Variants in FHIT observed in about 807,000 individuals in gnomAD.
FHIT encodes the protein bis(5'-adenosyl)-triphosphatase.
FHIT carries 19 observed loss-of-function variants against 17.9 expected under a neutral mutation model. The ratio of observed to expected loss-of-function variants is 1.06; its 90% confidence interval spans 0.74 to 1.56. The LOEUF is 1.56. Ranked by LOEUF, FHIT falls within the 40% of genes most tolerant of loss-of-function variation. The pLI is 0.00. For missense variants in FHIT, 248 were observed against 189.2 expected, an observed-to-expected ratio of 1.31 and a Z score of -1.82; for synonymous variants, 81 against 69.7, an observed-to-expected ratio of 1.16 and a Z score of -0.81.
Position 60,721,805 on chromosome 3 carries a change from G to GTAT in FHIT, c.-18+100111_-18+100113dup, listed in dbSNP as rs578032919. ...CAAATGAAAGGCACTATAAAAAAGA[G>GTAT]TATTATTATTATTATTATTTCAAGC... is the stretch of plus-strand genomic sequence containing the variant. On this transcript the variant is annotated intron_variant, in intron 4 of 9. Coordinates refer to ENST00000492590, the MANE Select transcript of FHIT (RefSeq NM_002012.4). 2.9e-3 allele frequency among the ~76,000 whole-genome samples: 438 copies of GTAT among 151,982 alleles called. 1 individual carries two copies. Among genetic ancestry groups the GTAT allele is most frequent in the African/African-American group, 0.01 (423 of 41,476 alleles).
At chr3:61,039,719 C>T (rs755502070) in intron 3 of FHIT, among the ~76,000 whole-genome samples, 2 of 151,882 alleles carry the variant, frequency 1.3e-5, no homozygotes, top group South Asian at 2.1e-4. Flanking sequence ...TAGGAGTCTG[C>T]GGGGGTTAGC....
rs1476244848 is a variant in FHIT at position 60,032,184 on chromosome 3, G to C, written c.104-18032C>G. ...GGTATTAAATAACATGAATTTCCTT[G>C]GTACTTCTCTATACTTAACTGTCCT... On this transcript the variant is annotated intron_variant, in intron 5 of 9. Coordinates refer to ENST00000492590, the MANE Select transcript of FHIT (RefSeq NM_002012.4). Among the ~76,000 whole-genome samples the C allele has an allele frequency of 9.2e-5, 14 of 152,202 alleles. No individual in the cohort carries two copies. The East Asian group carries it at 2.7e-3, about 29-fold the overall frequency.
chr3:59,866,583 T>A (rs1368879477), intron 8 of FHIT, among the ~76,000 whole-genome samples: 1 of 152,156 alleles, frequency 6.6e-6, no homozygotes, highest in African/African-American at 2.4e-5. Flanking sequence ...TTCCAGGACC[T>A]GGAAGAGAGT....
intron 3 of FHIT, among the ~76,000 whole-genome samples, chr3:60,936,342 T>C (rs1468629382): frequency 6.6e-6 from 1 of 152,234 alleles, no homozygotes; most frequent in African/African-American, 2.4e-5. Context: ...AAAAAAGTAG[T>C]TCTGAAAACA....
intron 4 of FHIT, among the ~76,000 whole-genome samples, chr3:60,806,566 A>C (rs1048803635): frequency 5.3e-5 from 8 of 152,204 alleles, no homozygotes; most frequent in African/African-American, 1.7e-4. Context: ...CAGATTCCTC[A>C]CATCAATACC....
chr3:59,825,185 TGC>T (rs1303663002), intron 8 of FHIT, among the ~76,000 whole-genome samples: 5 of 152,246 alleles, frequency 3.3e-5, no homozygotes, highest in African/African-American at 1.2e-4. Context: ...TAGTGCATAA[TGC>T]TGCTGTCTTA....
intron 5 of FHIT, among the ~76,000 whole-genome samples, chr3:60,054,192 T>G (rs1204077088): frequency 1.3e-5 from 2 of 152,166 alleles, no homozygotes; most frequent in African/African-American, 4.8e-5. Context: ...TCAAATTTCT[T>G]CAGAGAACTA....
intron 5 of FHIT, among the ~76,000 whole-genome samples, chr3:60,038,822 A>C (rs1375659514): frequency 6.6e-6 from 1 of 152,240 alleles, no homozygotes; most frequent in African/African-American, 2.4e-5. Flanking sequence ...AAAACTGAAC[A>C]ACAATCAAAT....
intron 4 of FHIT, among the ~76,000 whole-genome samples, chr3:60,711,164 G>C (rs1486176096): frequency 6.6e-6 from 1 of 152,144 alleles, no homozygotes; most frequent in Non-Finnish European, 1.5e-5. Context: ...CACACAAACA[G>C]GGTCTGGAGT....
chr3:59,976,752 G>C (rs76610639), intron 7 of FHIT, among the ~76,000 whole-genome samples: 12,795 of 152,064 alleles, frequency 0.084, 617 homozygotes, highest in Middle Eastern at 0.15. Flanking sequence ...ATGATATTCA[G>C]TTTAGACTCA....
intron 4 of FHIT, among the ~76,000 whole-genome samples, chr3:60,560,448 A>G (rs566799946): frequency 6.6e-6 from 1 of 152,194 alleles, no homozygotes; most frequent in Non-Finnish European, 1.5e-5. Flanking sequence ...AGCTTCATGA[A>G]TGGCTACTAG....
At chr3:60,407,442 T>C (rs981842781) in intron 5 of FHIT, among the ~76,000 whole-genome samples, 18 of 152,190 alleles carry the variant, frequency 1.2e-4, no homozygotes, top group African/African-American at 4.3e-4. Flanking sequence ...GGAGGATGCA[T>C]GTAACTTCTG....
chr3:59,776,957 C>T (rs1347649517), intron 8 of FHIT, among the ~76,000 whole-genome samples: 2 of 152,132 alleles, frequency 1.3e-5, no homozygotes, highest in South Asian at 2.1e-4. Flanking sequence ...TCATTCCATG[C>T]CCTCCCACCA....
intron 4 of FHIT, among the ~76,000 whole-genome samples, chr3:60,720,598 A>G (rs1006263677): frequency 1.3e-5 from 2 of 152,160 alleles, no homozygotes; most frequent in African/African-American, 4.8e-5. Flanking sequence ...GAAATGTTAC[A>G]CTTCTCAATG....
intron 2 of FHIT, among the ~76,000 whole-genome samples, chr3:61,185,726 G>C (rs1228498699): frequency 6.6e-6 from 1 of 152,106 alleles, no homozygotes; most frequent in Non-Finnish European, 1.5e-5. Flanking sequence ...TAAAATACAT[G>C]CCCACATAAA....
intron 4 of FHIT, among the ~76,000 whole-genome samples, chr3:60,722,707 C>CTTTTTTTTTTTTTTTTTTTTTTT (rs1157024624): frequency 9.5e-6 from 1 of 104,946 alleles, no homozygotes. Flanking sequence ...TACCTTAAAT[C>CTTTTTTTTTTTTTTTTTTTTTTT]TTTTTTTTTT....
Position 61,028,493 on chromosome 3 carries a change from G to T in FHIT, c.-111+13554C>A, listed in dbSNP as rs572486308. ...AAAAGAAGCAAGGGCAAGGAGGCAG[G>T]TTCCAGGGAGAAGGAGAAACCTATA... On this transcript the variant is annotated intron_variant, in intron 3 of 9. Coordinates refer to ENST00000492590, the MANE Select transcript of FHIT (RefSeq NM_002012.4). Among the ~76,000 whole-genome samples, 15 of 152,322 alleles carry T rather than the reference G, an allele frequency of 9.8e-5. No individual in the cohort carries two copies. The South Asian group carries it at 2.7e-3, about 27-fold the overall frequency.
At chr3:60,519,747 T>C (rs986878792) in intron 5 of FHIT, among the ~76,000 whole-genome samples, 25 of 152,326 alleles carry the variant, frequency 1.6e-4, no homozygotes, top group African/African-American at 5.3e-4. Context: ...TGTAACATCA[T>C]GGCTTTTCTC....
chr3:60,388,460 G>A (rs1295098346), intron 5 of FHIT, among the ~76,000 whole-genome samples: 1 of 151,924 alleles, frequency 6.6e-6, no homozygotes, highest in Non-Finnish European at 1.5e-5. Flanking sequence ...CAATTAGCAG[G>A]GCCTGGTGGT....
Sources: gnomAD v4.1 joint callset for allele counts (sites outside exome capture counted in the v4.1 genomes callset) on GRCh38, gnomAD v4.1.1 for gene constraint, MANE v1.5 for transcripts, NCBI Gene and HGNC (gene_info 2026-07-23, HGNC 2026-07-21) for gene names.